Variants in SLC25A21 observed in about 807,000 individuals in gnomAD.
SLC25A21 encodes the protein solute carrier family 25 member 21.
In SLC25A21, 47 loss-of-function variants were observed where a neutral mutation model predicts 43.8. The ratio of observed to expected loss-of-function variants is 1.07; its 90% confidence interval spans 0.85 to 1.37. The LOEUF is 1.37. Among genes scored for constraint, SLC25A21 ranks in the 40% most tolerant of loss-of-function variants. SLC25A21 has a pLI of 0.00. For missense variants in SLC25A21, 352 were observed against 350.2 expected, an observed-to-expected ratio of 1.00 and a Z score of -0.04; for synonymous variants, 131 against 121.3, an observed-to-expected ratio of 1.08 and a Z score of -0.52.
At chr14:36,702,444 G>A (rs1321209160) in intron 7 of SLC25A21, among the ~76,000 whole-genome samples, 1 of 124,596 alleles carries the variant, frequency 8.0e-6, no homozygotes, top group Non-Finnish European at 1.6e-5. Flanking sequence ...TTGGAGATCA[G>A]TCTGGGCAAC....
At chr14:37,104,418 G>T (rs984830135) in intron 1 of SLC25A21, among the ~76,000 whole-genome samples, 4 of 152,166 alleles carry the variant, frequency 2.6e-5, no homozygotes, top group Admixed American at 6.6e-5. Flanking sequence ...TTTTGTTATA[G>T]CAGCATGAAC....
intron 1 of SLC25A21, among the ~76,000 whole-genome samples, chr14:37,059,918 G>T (rs573198196): frequency 6.6e-6 from 1 of 152,132 alleles, no homozygotes; most frequent in South Asian, 2.1e-4. Context: ...ACAAACAAAA[G>T]TGTGTTTCAC....
chr14:36,977,900 TTC>T (rs955633330), intron 1 of SLC25A21, among the ~76,000 whole-genome samples: 5 of 151,974 alleles, frequency 3.3e-5, no homozygotes, highest in Non-Finnish European at 7.4e-5. Flanking sequence ...AGATTTTTCT[TTC>T]TCTCTTTTAT....
At chr14:36,974,962 T>C (rs1191026076) in intron 1 of SLC25A21, among the ~76,000 whole-genome samples, 1 of 152,172 alleles carries the variant, frequency 6.6e-6, no homozygotes, top group Admixed American at 6.5e-5. Flanking sequence ...AATGATGTGA[T>C]GGCAATGATG....
rs150695063 is a variant in SLC25A21 at position 36,979,146 on chromosome 14, C to T, written c.71-104142G>A. Among the ~76,000 whole-genome samples the T allele has an allele frequency of 8.5e-5, 13 of 152,236 alleles. No homozygotes were observed. The East Asian group carries it at 2.5e-3, about 29-fold the overall frequency. On this transcript the variant is annotated intron_variant, in intron 1 of 9. Coordinates refer to ENST00000331299, the MANE Select transcript of SLC25A21 (RefSeq NM_030631.4). ...CTTTAACAGGTTAGACAGCATGATG[C>T]TGTTCCTTGTCAAACTCAAGAAATT...
intron 1 of SLC25A21, among the ~76,000 whole-genome samples, chr14:36,960,689 T>TA (rs1222179634): frequency 2.0e-5 from 3 of 152,146 alleles, no homozygotes; most frequent in African/African-American, 7.2e-5. Flanking sequence ...AGTACCTTTA[T>TA]GGCAAATCCC....
chr14:36,694,297 T>C (rs1310953174), intron 7 of SLC25A21, among the ~76,000 whole-genome samples: 2 of 152,242 alleles, frequency 1.3e-5, no homozygotes, highest in African/African-American at 4.8e-5. Flanking sequence ...CACATTTTCT[T>C]AATCCAGTCT....
At chr14:36,683,315 C>A (rs959096382) in intron 9 of SLC25A21, among the ~76,000 whole-genome samples, 2 of 152,302 alleles carry the variant, frequency 1.3e-5, no homozygotes, top group Middle Eastern at 3.4e-3. Context: ...TGACAAAGCC[C>A]AGGAGAGGTA....
intron 1 of SLC25A21, among the ~76,000 whole-genome samples, chr14:36,928,187 T>C (rs1331257691): frequency 6.6e-6 from 1 of 152,190 alleles, no homozygotes; most frequent in Non-Finnish European, 1.5e-5. Flanking sequence ...GATATCATTA[T>C]CTTTAAAACA....
intron 3 of SLC25A21, among the ~76,000 whole-genome samples, chr14:36,780,994 T>C (rs1463172678): frequency 6.6e-6 from 1 of 152,150 alleles, no homozygotes. Context: ...ACTTTATGTA[T>C]TTAGATGCTC....
intron 3 of SLC25A21, among the ~76,000 whole-genome samples, chr14:36,784,408 C>A (rs1473453981): frequency 1.3e-5 from 2 of 152,040 alleles, no homozygotes; most frequent in Non-Finnish European, 2.9e-5. Context: ...TGAGAGTTAG[C>A]TCTTCTGTAG....
At chr14:36,886,154 A>T (rs578139180) in intron 1 of SLC25A21, among the ~76,000 whole-genome samples, 2 of 152,306 alleles carry the variant, frequency 1.3e-5, no homozygotes, top group East Asian at 3.9e-4. Flanking sequence ...ACAACATCCT[A>T]TTTGATAGCC....
rs568194619 is a variant in SLC25A21 at position 37,025,910 on chromosome 14, C to A, written c.70+146371G>T. ...TAAATTTAAATTGGTGTGGATAAAA[C>A]CAGGTGGTAAATTTCAGAACCTATA... On this transcript the variant is annotated intron_variant, in intron 1 of 9. Coordinates refer to ENST00000331299, the MANE Select transcript of SLC25A21 (RefSeq NM_030631.4). Among the ~76,000 whole-genome samples the A allele has an allele frequency of 7.9e-5, 12 of 152,062 alleles. No individual in the cohort carries two copies. The South Asian group carries it at 2.3e-3, about 29-fold the overall frequency.
intron 1 of SLC25A21, among the ~76,000 whole-genome samples, chr14:37,080,763 A>G (rs867727281): frequency 9.9e-5 from 15 of 152,220 alleles, no homozygotes; most frequent in African/African-American, 3.6e-4. Context: ...CATTCAACAC[A>G]GAGGCAATAT....
At chr14:37,063,159 CCGGGTCCCT>C (rs1961986008) in intron 1 of SLC25A21, among the ~76,000 whole-genome samples, 1 of 152,062 alleles carries the variant, frequency 6.6e-6, no homozygotes, top group Non-Finnish European at 1.5e-5. Context: ...ATTACCTCCA[CCGGGTCCCT>C]CTCACAACAC....
Position 36,973,532 on chromosome 14 carries a change from C to T in SLC25A21, c.71-98528G>A, listed in dbSNP as rs1034727739. ...TGAATTTATTGCATTAGAGGGACAC[C>T]GATGGAAAGGTGTTCAGCAGGGAAT... On this transcript the variant is annotated intron_variant, in intron 1 of 9. Transcript: ENST00000331299. Among the ~76,000 whole-genome samples the T allele has an allele frequency of 7.9e-5, 12 of 152,052 alleles. 1 individual carries two copies. The highest frequency in any genetic ancestry group is 7.2e-4 in the Admixed American group (11 of 15,276).
At chr14:37,007,464 A>T (rs1424778781) in intron 1 of SLC25A21, among the ~76,000 whole-genome samples, 5 of 151,926 alleles carry the variant, frequency 3.3e-5, no homozygotes. Context: ...TTAGCCAGCC[A>T]TGGTAGCGAT....
At chr14:36,890,316 CAGGTTA>C (rs1433113701) in intron 1 of SLC25A21, among the ~76,000 whole-genome samples, 2 of 152,096 alleles carry the variant, frequency 1.3e-5, no homozygotes, top group African/African-American at 4.8e-5. Flanking sequence ...CACATTTAAC[CAGGTTA>C]AGCTTTTGCC....
rs192565614 is a variant in SLC25A21, at chr14:36,900,727, C to T, written c.71-25723G>A. On this transcript the variant is annotated intron_variant, in intron 1 of 9. Transcript: ENST00000331299. ...TGTTATGTTAACTTGTGGATAAGGC[C>T]CTGGCTCACCTAAACTTGTCATTTA... Among the ~76,000 whole-genome samples, 488 of 152,136 alleles carry T rather than the reference C, an allele frequency of 3.2e-3. 4 individuals carry two copies. The highest frequency in any genetic ancestry group is 0.011 in the African/African-American group (458 of 41,488).
Sources: allele counts gnomAD v4.1 joint callset (sites outside exome capture counted in the v4.1 genomes callset), GRCh38; gene constraint gnomAD v4.1.1; transcripts MANE v1.5; gene names NCBI Gene and HGNC (gene_info 2026-07-23, HGNC 2026-07-21).